Variants in PFKFB2 observed in about 807,000 individuals in gnomAD.
The protein encoded by PFKFB2 is 6-phosphofructo-2-kinase/fructose-2,6-biphosphatase 2.
PFKFB2 carries 53 observed loss-of-function variants against 68.0 expected under a neutral mutation model. That is an observed-to-expected ratio of 0.78 (90% CI 0.63 to 0.98). The LOEUF is 0.98. Among genes scored for constraint, PFKFB2 ranks in the 50% least tolerant of loss-of-function variants. The pLI is 0.00. For missense variants in PFKFB2, 451 were observed against 642.0 expected (o/e 0.70, Z 3.22); for synonymous variants, 222 against 227.6 (o/e 0.98, Z 0.22).
intron 1 of PFKFB2, among the ~76,000 whole-genome samples, chr1:207,039,790 A>C (rs1682443585): frequency 6.6e-6 from 1 of 152,210 alleles, no homozygotes; most frequent in South Asian, 2.1e-4. Context: ...AAGATAGTGA[A>C]GAATTTGGCA....
chr1:207,035,674 C>A (rs76703655), intron 1 of PFKFB2, among the ~76,000 whole-genome samples: 6,503 of 149,390 alleles, frequency 0.044, 470 homozygotes, highest in African/African-American at 0.15. Context: ...AACAAACAAA[C>A]AAAAAAAACA....
rs1215487831 is a variant in PFKFB2 at position 207,075,250 on chromosome 1, C to T, written c.*2879C>T. On this transcript the variant is annotated 3_prime_UTR_variant, in exon 15 of 15. Transcript: ENST00000367080. ...GCCTGCTGTTATTTCCCCACTCTCACCTGTGCTAGTTCGCTTTCTCCAGAA... is the reference window on the plus strand; with the variant it reads ...GCCTGCTGTTATTTCCCCACTCTCATCTGTGCTAGTTCGCTTTCTCCAGAA... 4.1e-6 allele frequency: 4 copies of T among 985,340 alleles called. No individual in the cohort carries two copies. Among genetic ancestry groups the T allele is most frequent in the African/African-American group, 1.7e-5 (1 of 57,238 alleles). The allele number at this position is 985,340 out of a possible 1,614,324, so 61.0% of individuals were successfully genotyped here.
intron 2 of PFKFB2, among the ~76,000 whole-genome samples, chr1:207,057,986 T>C (rs1369756705): frequency 2.0e-5 from 3 of 152,186 alleles, no homozygotes; most frequent in African/African-American, 7.2e-5. Context: ...ACAGAAATAA[T>C]AGAAAAGATA....
Position 207,073,396 on chromosome 1 carries a change from G to A in PFKFB2, c.*1025G>A. On this transcript the variant is annotated 3_prime_UTR_variant, in exon 15 of 15. Coordinates refer to ENST00000367080, the MANE Select transcript of PFKFB2 (RefSeq NM_006212.2). ...GTATCCTCTGGGGCTGTTTAGAAGG[G>A]CAGTTAGATTCAGGAGTCACCACTG... 1 of 985,438 alleles carries A rather than the reference G, an allele frequency of 1.0e-6. No homozygotes were observed. Among genetic ancestry groups the A allele is most frequent in the African/African-American group, 1.7e-5 (1 of 57,346 alleles). The allele number at this position is 985,438 out of a possible 1,614,324, so 61.0% of individuals were successfully genotyped here.
upstream of PFKFB2, chr1:207,052,334 G>T: frequency 7.6e-6 from 8 of 1,048,674 alleles, no homozygotes; most frequent in Non-Finnish European, 8.7e-6. Flanking sequence ...CTGGGTTAGG[G>T]GGTAGGTAGG....
upstream of PFKFB2, chr1:207,048,970 G>A: frequency 3.3e-6 from 5 of 1,528,660 alleles, no homozygotes; most frequent in Non-Finnish European, 3.6e-6. Context: ...AAAACCCAGA[G>A]CCTTCTGGAT....
Position 207,063,011 on chromosome 1 carries a change from T to C in PFKFB2, c.309-132T>C. 1 of 789,762 alleles carries C rather than the reference T, an allele frequency of 1.3e-6. No homozygotes were observed. The highest frequency in any genetic ancestry group is 2.2e-6 in the Non-Finnish European group (1 of 457,392). The allele number at this position is 789,762 out of a possible 1,614,324, so 48.9% of individuals were successfully genotyped here. On this transcript the variant is annotated intron_variant, in intron 4 of 14. Coordinates refer to ENST00000367080, the MANE Select transcript of PFKFB2 (RefSeq NM_006212.2). The surrounding 1 kb of genome is among the most constrained non-coding windows in gnomAD (Gnocchi z 4.1). The stretch of plus-strand genomic sequence containing the variant: ...CCCTCAGTGAGAAAGTTGAAAGATC[T>C]AGTTAGAGAAAGGTTTTGAACAGTG...
chr1:207,051,092 C>T, upstream of PFKFB2: 1 of 1,439,472 alleles, frequency 6.9e-7, no homozygotes, highest in Non-Finnish European at 9.1e-7. Context: ...TGCCTTAGTA[C>T]CTTAGCAAGC....
upstream of PFKFB2, chr1:207,052,167 C>A: frequency 4.3e-6 from 7 of 1,611,348 alleles, no homozygotes; most frequent in Non-Finnish European, 5.9e-6. Flanking sequence ...AAGTGTAGTT[C>A]ACTTGGTGCA....
chr1:207,039,587 A>G (rs899586299), intron 1 of PFKFB2, among the ~76,000 whole-genome samples: 1 of 152,218 alleles, frequency 6.6e-6, no homozygotes, highest in African/African-American at 2.4e-5. Flanking sequence ...CATTGTTGAC[A>G]GAAAAATTAT....
rs1471534751 is a variant in PFKFB2, at chr1:207,074,255, T to C, written c.*1884T>C. ...CCTAGGAATTCTGAATTCCTCATAG[T>C]CCTGAAAGGACAGTTCTTTGGGTTT... On this transcript the variant is annotated 3_prime_UTR_variant, in exon 15 of 15. Coordinates refer to ENST00000367080, the MANE Select transcript of PFKFB2 (RefSeq NM_006212.2). The C allele has an allele frequency of 3.3e-5, 33 of 985,166 alleles. No individual in the cohort carries two copies. Among genetic ancestry groups the C allele is most frequent in the Non-Finnish European group, 4.0e-5 (33 of 829,830 alleles). 61.0% of individuals were successfully genotyped at this position (985,166 alleles called of 1,614,324 possible). A position where few individuals can be genotyped will look rare whatever the true frequency, so the allele number is the denominator to read the frequency against.
Position 207,062,085 on chromosome 1 carries a change from G to GTGGC in PFKFB2, c.211+9_211+12dup. 1 of 1,614,104 alleles carries GTGGC rather than the reference G, an allele frequency of 6.2e-7. No homozygotes were observed. On this transcript the variant is annotated splice_region_variant and intron_variant, in intron 3 of 14. Transcript: ENST00000367080. The stretch of plus-strand genomic sequence containing the variant: ...ATTGGAGTCCCCACCAAAGGTAAGT[G>GTGGC]TGGCTCATTCCCTAGGAAAGACAAT...
intron 1 of PFKFB2, among the ~76,000 whole-genome samples, chr1:207,035,824 C>T (rs183562469): frequency 1.6e-4 from 25 of 152,196 alleles, no homozygotes; most frequent in Non-Finnish European, 2.5e-4. Flanking sequence ...CAGTGTCACA[C>T]GGTGAGACAG....
At chr1:207,045,323 G>A (rs1558052422) in intron 2 of PFKFB2, 1 of 152,442 alleles carries the variant, frequency 6.6e-6, no homozygotes, top group African/African-American at 2.4e-5. Context: ...CACAGACCAT[G>A]CTCCTAATAG....
At chr1:207,050,072 TCTC>T (rs1198320685), upstream of PFKFB2, among the ~76,000 whole-genome samples, 1 of 152,178 alleles carries the variant, frequency 6.6e-6, no homozygotes, top group Non-Finnish European at 1.5e-5. Flanking sequence ...GCTAGGGGGT[TCTC>T]CTTCTCCGGA....
At chr1:207,050,991 G>C, upstream of PFKFB2, 1 of 1,530,944 alleles carries the variant, frequency 6.5e-7, no homozygotes, top group Non-Finnish European at 8.8e-7. Context: ...CCAGGCGCCG[G>C]GTGGACTCCA....
At chr1:207,050,835 G>A (rs1682726731), upstream of PFKFB2, 2 of 1,613,002 alleles carry the variant, frequency 1.2e-6, no homozygotes, top group Non-Finnish European at 1.7e-6. Context: ...ACCCGGGTCC[G>A]GCTGGACAGC....
At chr1:207,042,549 C>CAA (rs57077682) in intron 2 of PFKFB2, among the ~76,000 whole-genome samples, 1,047 of 44,700 alleles carry the variant, frequency 0.023, 159 homozygotes, top group East Asian at 0.079. Context: ...CTCTGTCTCA[C>CAA]AAAAAAAAAA....
chr1:207,052,898 G>C (rs1452193706), upstream of PFKFB2: 1 of 152,240 alleles, frequency 6.6e-6, no homozygotes, highest in East Asian at 1.9e-4. Context: ...GTTCTGCTGG[G>C]ATTCAGGAAT....
Sources: allele counts gnomAD v4.1 joint callset (sites outside exome capture counted in the v4.1 genomes callset), GRCh38; gene constraint gnomAD v4.1.1; non-coding constraint Gnocchi (gnomAD v3.1); transcripts MANE v1.5; gene names NCBI Gene and HGNC (gene_info 2026-07-23, HGNC 2026-07-21).